The following TRHDE variants were observed in gnomAD, a reference collection of about 807,000 sequenced individuals.
TRHDE encodes thyrotropin-releasing hormone-degrading ectoenzyme.
A neutral mutation model predicts 125.7 loss-of-function variants in TRHDE; 72 were observed. The ratio of observed to expected loss-of-function variants is 0.57; its 90% CI spans 0.47 to 0.70. The LOEUF is 0.70. Ranked by LOEUF, TRHDE falls within the 30% of genes least tolerant of loss-of-function variation. The pLI is 0.00. For synonymous variants in TRHDE, 509 were observed against 509.1 expected, an observed-to-expected ratio of 1.00 and a Z score of 0.00; for missense variants, 1,110 against 1,327.1, an observed-to-expected ratio of 0.84 and a Z score of 2.54.
intron 5 of TRHDE, among the ~76,000 whole-genome samples, chr12:72,491,162 AAAAG>A: frequency 6.6e-6 from 1 of 152,090 alleles, no homozygotes; most frequent in East Asian, 1.9e-4. Flanking sequence ...AAGCAACTAA[AAAAG>A]AAATCCTCAA....
intron 2 of TRHDE, among the ~76,000 whole-genome samples, chr12:72,341,132 GTT>G (rs386376946): frequency 6.9e-6 from 1 of 144,674 alleles, no homozygotes. Context: ...CTTTCCTTCA[GTT>G]TTTTTTTTTT....
chr12:72,218,664 G>A (rs1877943214), intron 2 of TRHDE, among the ~76,000 whole-genome samples: 1 of 151,958 alleles, frequency 6.6e-6, no homozygotes, highest in Non-Finnish European at 1.5e-5. Flanking sequence ...GGGGGCTTTG[G>A]GCAATCCTTG....
chr12:72,545,272 G>C (rs1354543196), intron 7 of TRHDE, among the ~76,000 whole-genome samples: 1 of 151,254 alleles, frequency 6.6e-6, no homozygotes, highest in Non-Finnish European at 1.5e-5. Flanking sequence ...AATGATAGCA[G>C]GCATATTTTG....
At chr12:72,457,179 TA>T (rs1180141319) in intron 3 of TRHDE, among the ~76,000 whole-genome samples, 6 of 152,114 alleles carry the variant, frequency 3.9e-5, no homozygotes, top group Non-Finnish European at 7.4e-5. Flanking sequence ...GTTTGGAATA[TA>T]AAAAAGATAA....
chr12:72,207,205 G>C (rs941878346), intron 2 of TRHDE, among the ~76,000 whole-genome samples: 1 of 152,172 alleles, frequency 6.6e-6, no homozygotes, highest in Non-Finnish European at 1.5e-5. Flanking sequence ...GAAAAGATAT[G>C]TGCAAAATAG....
chr12:72,394,099 T>C (rs1156633565), intron 3 of TRHDE, among the ~76,000 whole-genome samples: 2 of 152,188 alleles, frequency 1.3e-5, no homozygotes, highest in Non-Finnish European at 2.9e-5. Context: ...TTCCATTGAC[T>C]TGGAGACCTT....
intron 10 of TRHDE, among the ~76,000 whole-genome samples, 189 bp downstream of exon 10, chr12:72,568,845 A>G (rs1301945461): frequency 6.6e-6 from 1 of 152,158 alleles, no homozygotes; most frequent in Non-Finnish European, 1.5e-5. Flanking sequence ...AGTTTATATA[A>G]TTACTAAATT....
At chr12:72,208,251 A>T (rs879758414) in intron 2 of TRHDE, among the ~76,000 whole-genome samples, 3 of 152,044 alleles carry the variant, frequency 2.0e-5, no homozygotes, top group Non-Finnish European at 4.4e-5. Flanking sequence ...CAGTTCAGAC[A>T]TTCAAGAGTC....
intron 2 of TRHDE, among the ~76,000 whole-genome samples, chr12:72,309,226 T>C (rs1380693530): frequency 2.0e-5 from 3 of 152,180 alleles, no homozygotes; most frequent in African/African-American, 7.2e-5. Context: ...AGATGGTATT[T>C]GTTTGAGAAA....
At chr12:72,210,782 C>G (rs1418816798) in intron 2 of TRHDE, among the ~76,000 whole-genome samples, 5 of 152,126 alleles carry the variant, frequency 3.3e-5, no homozygotes, top group Non-Finnish European at 7.4e-5. Context: ...TCAAAACAAC[C>G]AAAGGTAGAG....
intron 3 of TRHDE, among the ~76,000 whole-genome samples, chr12:72,446,802 A>G (rs1875308449): frequency 6.6e-6 from 1 of 152,188 alleles, no homozygotes; most frequent in African/African-American, 2.4e-5. Flanking sequence ...TCAATTCAAC[A>G]AGAAGAGCTA....
intron 1 of TRHDE, among the ~76,000 whole-genome samples, chr12:72,091,199 C>T (rs2139282338): frequency 6.6e-6 from 1 of 152,190 alleles, no homozygotes; most frequent in Middle Eastern, 3.4e-3. Context: ...CAAACCACCT[C>T]CGAGTCTAGG....
At chr12:72,619,828 A>G (rs747498191) in intron 13 of TRHDE, among the ~76,000 whole-genome samples, 1 of 152,100 alleles carries the variant, frequency 6.6e-6, no homozygotes, top group African/African-American at 2.4e-5. Flanking sequence ...TTTATACTGT[A>G]CTAATTAACA....
intron 12 of TRHDE, among the ~76,000 whole-genome samples, chr12:72,588,756 C>A (rs568155811): frequency 6.6e-6 from 1 of 152,050 alleles, no homozygotes; most frequent in East Asian, 1.9e-4. Context: ...TGTATTAGTC[C>A]ATTCTCATGC....
At chr12:72,563,612 T>C (rs1024104678) in intron 9 of TRHDE, among the ~76,000 whole-genome samples, 5 of 152,230 alleles carry the variant, frequency 3.3e-5, no homozygotes, top group African/African-American at 1.2e-4. Flanking sequence ...GTTGTTTCTT[T>C]AACTTTCTGC....
intron 3 of TRHDE, among the ~76,000 whole-genome samples, chr12:72,459,325 C>T (rs1013592167): frequency 3.9e-5 from 6 of 152,132 alleles, no homozygotes; most frequent in Admixed American, 1.3e-4. Context: ...TCCCCTTTGC[C>T]AAGTAACCTA....
chr12:72,238,523 C>A lies in TRHDE; in HGVS notation n.279+132771C>A, dbSNP rs1272399895. ...TCGTCACCTACATTAGGTATTTCTC[C>A]TAATGCTATCCCTCCCCTAGCCCCC... On this transcript the variant is annotated intron_variant and non_coding_transcript_variant, in intron 2 of 4. Transcript: ENST00000548156. Among the ~76,000 whole-genome samples, 3 of 150,960 alleles carry A rather than the reference C, an allele frequency of 2.0e-5. No homozygotes were observed. The East Asian group carries it at 5.9e-4, about 29-fold the overall frequency.
intron 2 of TRHDE, among the ~76,000 whole-genome samples, chr12:72,197,572 A>G (rs1212522364): frequency 6.6e-6 from 1 of 152,158 alleles, no homozygotes; most frequent in Non-Finnish European, 1.5e-5. Context: ...GACTTAAGGT[A>G]AAATCTGAAA....
chr12:72,369,761 T>C (rs942964707), intron 2 of TRHDE, among the ~76,000 whole-genome samples: 1 of 152,046 alleles, frequency 6.6e-6, no homozygotes, highest in African/African-American at 2.4e-5. Context: ...TTTATAGAGT[T>C]TGGTTTATAT....
Sources: allele counts gnomAD v4.1 joint callset (sites outside exome capture counted in the v4.1 genomes callset), GRCh38; gene constraint gnomAD v4.1.1; transcripts MANE v1.5; gene names NCBI Gene and HGNC (gene_info 2026-07-23, HGNC 2026-07-21).